ADAM22: variants seen among roughly 807,000 people sequenced by gnomAD.
ADAM22 encodes ADAM metallopeptidase domain 22, also known as disintegrin and metalloproteinase domain-containing protein 22.
ADAM22 carries 65 observed loss-of-function variants against 144.6 expected under a neutral mutation model. That is an observed-to-expected ratio of 0.45 (90% CI 0.37 to 0.55). ADAM22 has a LOEUF of 0.55. Among genes scored for constraint, ADAM22 ranks in the 20% least tolerant of loss-of-function variants. The pLI is 0.00. For missense variants in ADAM22, 974 were observed against 1,184.9 expected, an observed-to-expected ratio of 0.82 and a Z score of 2.61; for synonymous variants, 391 against 412.6, an observed-to-expected ratio of 0.95 and a Z score of 0.63.
intron 5 of ADAM22, among the ~76,000 whole-genome samples, chr7:88,109,808 T>C (rs726328): frequency 0.57 from 86,939 of 151,618 alleles, 26,003 homozygotes; most frequent in East Asian, 0.9. Context: ...CTAAGGGCTC[T>C]GGAAACATGC....
chr7:88,042,044 C>G (rs1478255326), intron 3 of ADAM22, among the ~76,000 whole-genome samples: 1 of 151,976 alleles, frequency 6.6e-6, no homozygotes, highest in East Asian at 1.9e-4. Flanking sequence ...GCTGGTATTG[C>G]TAAAATTGAT....
chr7:87,957,428 T>G (rs112664278), intron 2 of ADAM22, among the ~76,000 whole-genome samples: 1 of 152,174 alleles, frequency 6.6e-6, no homozygotes, highest in African/African-American at 2.4e-5. Flanking sequence ...CCACCCAGAA[T>G]GAACAAAATT....
intron 17 of ADAM22, 136 bp from the exon 18 acceptor site, chr7:88,148,841 G>C: frequency 1.6e-6 from 1 of 608,526 alleles, no homozygotes. Context: ...CAGTAACTGT[G>C]GTTTTGACAG....
chr7:87,973,324 A>G (rs1375088624), intron 2 of ADAM22, among the ~76,000 whole-genome samples: 2 of 152,234 alleles, frequency 1.3e-5, no homozygotes, highest in Non-Finnish European at 1.5e-5. Flanking sequence ...GCAGCCAAAA[A>G]ACACATGGAG....
intron 3 of ADAM22, among the ~76,000 whole-genome samples, chr7:87,984,095 A>G (rs902994550): frequency 2.0e-5 from 3 of 152,134 alleles, no homozygotes; most frequent in African/African-American, 7.2e-5. Context: ...TATAAAGTAG[A>G]ATTACAATTC....
chr7:88,087,129 T>C (rs1018084374), intron 4 of ADAM22, among the ~76,000 whole-genome samples: 1 of 152,202 alleles, frequency 6.6e-6, no homozygotes, highest in African/African-American at 2.4e-5. Flanking sequence ...AGCTGACTCT[T>C]ACATGTATAA....
intron 25 of ADAM22, 82 bp downstream of exon 25, chr7:88,168,309 G>C: frequency 7.3e-7 from 1 of 1,364,520 alleles, no homozygotes; most frequent in Non-Finnish European, 1.0e-6. Flanking sequence ...AGAAAGTTTT[G>C]TATCATTGGT....
intron 3 of ADAM22, among the ~76,000 whole-genome samples, chr7:87,991,202 T>C (rs933798748): frequency 1.3e-5 from 2 of 152,110 alleles, no homozygotes; most frequent in Non-Finnish European, 2.9e-5. Flanking sequence ...CAGATTGACT[T>C]TTTATTATAT....
At position 88,186,631 on chromosome 7, in the gene ADAM22, T is replaced by C. The variant is rs768253226; in HGVS notation, c.2680T>C (p.Phe894Leu). The C allele has an allele frequency of 1.2e-6, 2 of 1,611,542 alleles. No homozygotes were observed. Among genetic ancestry groups the C allele is most frequent in the Non-Finnish European group, 1.7e-6 (2 of 1,177,668 alleles). Residue 894 changes from phenylalanine (F) to leucine (L), a missense_variant, in exon 30 of 32, where the codon TTC becomes CTC. Physicochemically the swap from Phe to Leu is conservative, Grantham distance 22. Coordinates refer to ENST00000413139, the MANE Select transcript of ADAM22 (RefSeq NM_001324418.2). ...SNSTEYLNPW[F>L]KRDYNVAKWV... is the part of the protein sequence containing the mutation. The stretch of plus-strand genomic sequence containing the variant: ...TTTCTGCAGGTATTTAAACCCATGG[T>C]TCAAAAGAGACTATAATGTAGCTAA...
intron 29 of ADAM22, among the ~76,000 whole-genome samples, chr7:88,182,611 G>C (rs190549149): frequency 6.6e-6 from 1 of 151,974 alleles, no homozygotes; most frequent in African/African-American, 2.4e-5. Flanking sequence ...AACATTATCC[G>C]TTTTAAATGA....
At chr7:88,051,832 C>T (rs1806517627) in intron 3 of ADAM22, among the ~76,000 whole-genome samples, 1 of 151,596 alleles carries the variant, frequency 6.6e-6, no homozygotes, top group South Asian at 2.1e-4. Flanking sequence ...TTGAAAGGGT[C>T]TTATACTAGA....
intron 4 of ADAM22, among the ~76,000 whole-genome samples, chr7:88,078,891 G>A (rs768451712): frequency 1.3e-5 from 2 of 152,172 alleles, no homozygotes; most frequent in Non-Finnish European, 1.5e-5. Context: ...TGAAAGTGAC[G>A]GGGAGAATGG....
chr7:88,031,070 C>A (rs774375771), intron 3 of ADAM22, among the ~76,000 whole-genome samples: 1 of 152,078 alleles, frequency 6.6e-6, no homozygotes, highest in Admixed American at 6.5e-5. Context: ...GAACCAAGAT[C>A]GCGCCACTGC....
chr7:88,045,357 C>T (rs1215050538), intron 3 of ADAM22, among the ~76,000 whole-genome samples: 1 of 152,048 alleles, frequency 6.6e-6, no homozygotes, highest in Non-Finnish European at 1.5e-5. Context: ...TTTGTTAATT[C>T]TTTCTATGTC....
Position 88,130,248 on chromosome 7 carries a change from CA to C in ADAM22, c.754-139del, listed in dbSNP as rs757593883. 3.4e-4 allele frequency: 214 copies of C among 636,694 alleles called. 1 individual carries two copies. Among genetic ancestry groups the C allele is most frequent in the Non-Finnish European group, 1.3e-4 (51 of 383,966 alleles). 39.4% of individuals were successfully genotyped at this position (636,694 alleles called of 1,614,324 possible). ...CAGCTCTGACTCTGACATTGTTTTA[CA>C]GACAACACATTTTTACAGAAAAGAT... On this transcript the variant is annotated intron_variant, in intron 9 of 31. Transcript: ENST00000413139.
chr7:87,936,481 T>C (rs1438318067), intron 2 of ADAM22, among the ~76,000 whole-genome samples: 2 of 152,178 alleles, frequency 1.3e-5, no homozygotes, highest in Non-Finnish European at 2.9e-5. Flanking sequence ...TTTCACACCA[T>C]TTGCAACCTT....
chr7:87,972,290 C>A (rs903392826), intron 2 of ADAM22, among the ~76,000 whole-genome samples: 3 of 151,496 alleles, frequency 2.0e-5, no homozygotes, highest in Non-Finnish European at 4.4e-5. Context: ...ACACCAATAA[C>A]AGACAAACAG....
intron 2 of ADAM22, among the ~76,000 whole-genome samples, chr7:87,956,259 TG>T (rs1156455306): frequency 6.6e-6 from 1 of 152,180 alleles, no homozygotes; most frequent in Non-Finnish European, 1.5e-5. Flanking sequence ...TGTTCCTATT[TG>T]GCCATCTTGG....
intron 3 of ADAM22, among the ~76,000 whole-genome samples, chr7:88,025,064 C>T (rs1040810099): frequency 7.2e-5 from 11 of 152,064 alleles, no homozygotes; most frequent in African/African-American, 2.4e-4. Flanking sequence ...TGGGTATATA[C>T]CCAGTAATGG....
Sources: gnomAD v4.1 joint callset for allele counts (sites outside exome capture counted in the v4.1 genomes callset) on GRCh38, gnomAD v4.1.1 for gene constraint, MANE v1.5 for transcripts, NCBI Gene and HGNC (gene_info 2026-07-23, HGNC 2026-07-21) for gene names.